The following SYNE2 variants were observed in gnomAD, a reference collection of about 807,000 sequenced individuals.
The protein encoded by SYNE2 is nesprin-2.
Under a neutral mutation model 856.3 loss-of-function variants are expected in SYNE2, and 431 were observed. That is an observed-to-expected ratio of 0.50 (90% CI 0.47 to 0.55). The LOEUF (loss-of-function observed/expected upper bound fraction) is 0.55. Ranked by LOEUF, SYNE2 falls within the 20% of genes least tolerant of loss-of-function variation. SYNE2 has a pLI of 0.00. For missense variants in SYNE2, 8,129 were observed against 8,023.2 expected (o/e 1.01, Z -0.50); for synonymous variants, 2,923 against 2,872.3 (o/e 1.02, Z -0.56).
At chr14:63,777,900 C>T (rs117706331) in intron 1 of SYNE2, among the ~76,000 whole-genome samples, 7,082 of 152,192 alleles carry the variant, frequency 0.047, 276 homozygotes, top group Non-Finnish European at 0.074. Flanking sequence ...AACTCCTGGC[C>T]TCTATTGATC....
rs113630549 is a variant in SYNE2, at chr14:64,100,820, C to G, written c.12382-1112C>G. Among the ~76,000 whole-genome samples the G allele has an allele frequency of 4.0e-3, 603 of 150,702 alleles. 3 individuals carry two copies. The highest frequency in any genetic ancestry group is 0.014 in the African/African-American group (579 of 41,116). ...CCTTTGACAGACATTTTTGTAATCC[C>G]TGGTCGCTGGTAACCATTGTTTTAT... On this transcript the variant is annotated intron_variant, in intron 63 of 115. Transcript: ENST00000555002.
Position 63,981,110 on chromosome 14 carries a change from T to C in SYNE2, c.1773T>C (p.Tyr591=), listed in dbSNP as rs768041684. 5 of 1,613,912 alleles carry C rather than the reference T, an allele frequency of 3.1e-6. No homozygotes were observed. The highest frequency in any genetic ancestry group is 2.2e-5 in the East Asian group (1 of 44,844). The part of the protein sequence containing the change: ...LQKVLACWAT[Y]VENLRLLRAC... ...AAGTGCTGGCATGTTGGGCTACTTA[T>C]GTGGAAAACCTTCGCTTACTAAGGG... The change falls in exon 16 of 116, where the codon TAT becomes TAC. Residue 591 remains tyrosine, a synonymous_variant. Transcript: ENST00000555002.
intron 1 of SYNE2, among the ~76,000 whole-genome samples, chr14:63,899,507 T>C (rs2095307070): frequency 6.9e-6 from 1 of 144,190 alleles, no homozygotes; most frequent in Non-Finnish European, 1.5e-5. Context: ...TGGCCCTGTT[T>C]GTTAGTTTTT....
intron 6 of SYNE2, 52 bp from the exon 7 acceptor site, chr14:63,949,773 A>G: frequency 4.4e-6 from 7 of 1,608,680 alleles, no homozygotes; most frequent in South Asian, 3.3e-5. Flanking sequence ...TTTTGGCCCA[A>G]TGCTGGTAAC....
At chr14:63,948,895 T>G (rs745979031) in intron 6 of SYNE2, among the ~76,000 whole-genome samples, 2 of 148,388 alleles carry the variant, frequency 1.3e-5, no homozygotes. Flanking sequence ...TTCAGTGTGG[T>G]CAGAGAGCAT....
At chr14:64,207,546 CAAAA>C (rs11330383) in intron 100 of SYNE2, among the ~76,000 whole-genome samples, 6 of 132,746 alleles carry the variant, frequency 4.5e-5, no homozygotes, top group Non-Finnish European at 6.6e-5. Context: ...ACCCTTGTCT[CAAAA>C]AAAAAAAAAA....
At chr14:63,793,099 CT>C in intron 1 of SYNE2, among the ~76,000 whole-genome samples, 1 of 152,290 alleles carries the variant, frequency 6.6e-6, no homozygotes, top group Non-Finnish European at 1.5e-5. Flanking sequence ...CATTATGTCA[CT>C]AATAGAATGT....
chr14:63,940,455 TA>T lies in SYNE2; in HGVS notation c.80-158del, dbSNP rs199901633. 0.083 allele frequency among the ~76,000 whole-genome samples: 12,629 copies of T among 152,266 alleles called. 561 individuals are homozygous for T. Among genetic ancestry groups the T allele is most frequent in the South Asian group, 0.16 (771 of 4,826 alleles). ...TATCAACATGGTTTTTCTAAAACACTACTTGGACAAACATCTACAGTTTAGA... is the reference window on the plus strand; with the variant it reads ...TATCAACATGGTTTTTCTAAAACACTCTTGGACAAACATCTACAGTTTAGA... On this transcript the variant is annotated intron_variant, in intron 2 of 115. Coordinates refer to ENST00000555002, the MANE Select transcript of SYNE2 (RefSeq NM_182914.3).
intron 99 of SYNE2, among the ~76,000 whole-genome samples, chr14:64,200,383 C>T (rs2098556773): frequency 6.6e-6 from 1 of 152,180 alleles, no homozygotes; most frequent in Non-Finnish European, 1.5e-5. Context: ...TGGGCCTCTT[C>T]TCCAGCAGAG....
chr14:64,096,293 G>C (rs2097676455), intron 61 of SYNE2, among the ~76,000 whole-genome samples: 2 of 152,214 alleles, frequency 1.3e-5, no homozygotes, highest in Admixed American at 1.3e-4. Flanking sequence ...TATACTTGGT[G>C]TTCCTGCCTT....
intron 1 of SYNE2, among the ~76,000 whole-genome samples, chr14:63,903,942 A>G (rs1322364828): frequency 6.6e-6 from 1 of 152,074 alleles, no homozygotes; most frequent in Non-Finnish European, 1.5e-5. Flanking sequence ...ATAGTACCCA[A>G]TAGGTTGTTT....
At chr14:63,800,421 C>A (rs2139793921) in intron 1 of SYNE2, among the ~76,000 whole-genome samples, 1 of 152,126 alleles carries the variant, frequency 6.6e-6, no homozygotes, top group East Asian at 1.9e-4. Flanking sequence ...GAGCTGGGAT[C>A]TTTTGTATTT....
rs749491228 is a variant in SYNE2, at chr14:64,210,075, G to T, written c.18674G>T (p.Arg6225Leu). 1.2e-6 allele frequency: 2 copies of T among 1,614,054 alleles called. No individual in the cohort carries two copies. The highest frequency in any genetic ancestry group is 1.7e-5 in the Admixed American group (1 of 60,030). ...CAGATGGTCCACGAGGGCAACCAGC[G>T]CTGGGACAACCTTCAGAGGCGGGTC... ...LKQMVHEGNQ[R>L]WDNLQRRVTA... The change falls in exon 103 of 116, where the codon CGC (arginine) becomes CTC (leucine). Residue 6225 changes from arginine to leucine, a missense_variant. Arg to Leu is a moderately radical substitution (Grantham distance 102, BLOSUM62 -2). Transcript: ENST00000555002.
intron 1 of SYNE2, among the ~76,000 whole-genome samples, chr14:63,898,989 G>A (rs77895855): frequency 0.015 from 2,212 of 152,208 alleles, 49 homozygotes; most frequent in African/African-American, 0.05. Flanking sequence ...TTGTGAAACT[G>A]AAACTATATA....
At chr14:63,824,007 G>A (rs1889324678) in intron 1 of SYNE2, among the ~76,000 whole-genome samples, 1 of 151,980 alleles carries the variant, frequency 6.6e-6, no homozygotes, top group Non-Finnish European at 1.5e-5. Flanking sequence ...AGCACAACAG[G>A]GTGATTATGG....
intron 52 of SYNE2, among the ~76,000 whole-genome samples, chr14:64,072,579 A>C (rs998980538): frequency 2.0e-5 from 3 of 151,868 alleles, no homozygotes; most frequent in Admixed American, 6.6e-5. Context: ...GGCTCACTGC[A>C]AACTCGGCTT....
intron 45 of SYNE2, among the ~76,000 whole-genome samples, chr14:64,042,264 C>T (rs1442192565): frequency 2.6e-5 from 4 of 152,122 alleles, no homozygotes; most frequent in African/African-American, 9.7e-5. Context: ...GAATTAAAAA[C>T]CCATAAAGCA....
At chr14:63,998,437 T>C in intron 26 of SYNE2, 109 bp downstream of exon 26, 1 of 743,370 alleles carries the variant, frequency 1.3e-6, no homozygotes. Context: ...ATTTTGCATA[T>C]GATCCAGTAA....
At position 63,986,573 on chromosome 14, in the gene SYNE2, T is replaced by C. The variant is rs1273595178; in HGVS notation, c.2269T>C (p.Leu757=). The change falls in exon 19 of 116, where the codon TTG becomes CTG. Residue 757 remains leucine (L), a synonymous_variant. Transcript: ENST00000555002. The part of the protein sequence containing the change: ...EIWEAEAKSV[L]DQDDVDTSME... ...CTGGGAGGCAGAAGCCAAATCTGTT[T>C]TGGATCAAGATGATGTGGACACCTC... 6.2e-7 allele frequency: 1 copy of C among 1,614,148 alleles called. No individual in the cohort carries two copies. Among genetic ancestry groups the C allele is most frequent in the Non-Finnish European group, 8.5e-7 (1 of 1,180,010 alleles).
Sources: gnomAD v4.1 joint callset for allele counts (sites outside exome capture counted in the v4.1 genomes callset) on GRCh38, gnomAD v4.1.1 for gene constraint, MANE v1.5 for transcripts, NCBI Gene and HGNC (gene_info 2026-07-23, HGNC 2026-07-21) for gene names.